Variants in WAC observed in about 807,000 individuals in gnomAD.
WAC encodes the protein WW domain-containing adapter protein with coiled-coil.
In WAC, 11 loss-of-function variants were observed where a neutral mutation model predicts 79.6. The observed-to-expected ratio is 0.14, with a 90% CI of 0.09 to 0.23. The LOEUF (loss-of-function observed/expected upper bound fraction) is 0.23, where lower values mean the gene tolerates loss of function less well. Among genes scored for constraint, WAC ranks in the 10% least tolerant of loss-of-function variants. The pLI, the probability that WAC is intolerant of heterozygous loss-of-function variation, is 1.00. For missense variants in WAC, 728 were observed against 773.5 expected (o/e 0.94, Z 0.70); for synonymous variants, 304 against 276.9 (o/e 1.10, Z -0.97).
intron 3 of WAC, among the ~76,000 whole-genome samples, chr10:28,537,194 T>A (rs1836727433): frequency 6.6e-6 from 1 of 152,242 alleles, no homozygotes; most frequent in African/African-American, 2.4e-5. Context: ...CACATTTTTG[T>A]AACAGTAGTA....
intron 3 of WAC, among the ~76,000 whole-genome samples, chr10:28,560,963 A>T (rs956904272): frequency 1.1e-4 from 17 of 152,210 alleles, no homozygotes; most frequent in Admixed American, 1.0e-3. Flanking sequence ...AAGGAGTGGC[A>T]TGTGAGGTAG....
chr10:28,568,268 T>C lies in WAC; in HGVS notation c.275-15131T>C, dbSNP rs572314915. Among the ~76,000 whole-genome samples the C allele has an allele frequency of 1.2e-4, 19 of 152,346 alleles. No homozygotes were observed. The East Asian group carries it at 3.5e-3, about 28-fold the overall frequency. On this transcript the variant is annotated intron_variant, in intron 3 of 13. Transcript: ENST00000354911. The stretch of plus-strand genomic sequence containing the variant: ...TGCTGTCGGATTCATCTGAGTTGTT[T>C]GCAAAAATACATTATTCCAGTTGCT...
chr10:28,585,592 G>C (rs1839780969), intron 4 of WAC, among the ~76,000 whole-genome samples: 1 of 151,518 alleles, frequency 6.6e-6, no homozygotes, highest in Non-Finnish European at 1.5e-5. Flanking sequence ...GCCAAGTGGG[G>C]AGAAGGGGGG....
chr10:28,537,017 C>T (rs1836716049), intron 3 of WAC, among the ~76,000 whole-genome samples: 1 of 152,148 alleles, frequency 6.6e-6, no homozygotes, highest in South Asian at 2.1e-4. Context: ...TAGAAATCAG[C>T]TTTATTCAGT....
chr10:28,534,130 C>G, intron 2 of WAC, 96 bp downstream of exon 2: 1 of 1,239,288 alleles, frequency 8.1e-7, no homozygotes. Flanking sequence ...CGATACAGGC[C>G]CTTCGGTGCA....
intron 3 of WAC, among the ~76,000 whole-genome samples, chr10:28,566,997 A>T (rs1838661427): frequency 1.4e-5 from 2 of 145,030 alleles, no homozygotes; most frequent in African/African-American, 2.5e-5. Context: ...TATTGGCTTC[A>T]TCTTTCATAT....
chr10:28,614,385 G>A (rs946148069), intron 10 of WAC, among the ~76,000 whole-genome samples, 182 bp from the exon 11 acceptor site: 2 of 152,196 alleles, frequency 1.3e-5, no homozygotes, highest in Non-Finnish European at 2.9e-5. Context: ...GAGCCACCGC[G>A]CCCAGCCCTA....
intron 3 of WAC, among the ~76,000 whole-genome samples, chr10:28,549,566 A>G (rs1012205276): frequency 6.6e-6 from 1 of 152,124 alleles, no homozygotes; most frequent in Non-Finnish European, 1.5e-5. Context: ...AAATATTGCA[A>G]TATCTTGTTT....
At chr10:28,541,389 A>C (rs1281395046) in intron 3 of WAC, among the ~76,000 whole-genome samples, 1 of 135,558 alleles carries the variant, frequency 7.4e-6, no homozygotes, top group African/African-American at 2.7e-5. Flanking sequence ...TACAAAACCA[A>C]TTTTTGTGGG....
intron 3 of WAC, among the ~76,000 whole-genome samples, chr10:28,540,978 C>G (rs987016015): frequency 1.3e-5 from 2 of 151,984 alleles, no homozygotes; most frequent in African/African-American, 4.8e-5. Flanking sequence ...TCTTACGCTT[C>G]TCATAATCAC....
rs186100843 is a variant in WAC at position 28,610,936 on chromosome 10, G to A, written c.1288+115G>A. The A allele has an allele frequency of 1.1e-5, 13 of 1,186,684 alleles. No individual in the cohort carries two copies. In the Admixed American group the frequency reaches 3.6e-4, roughly 33 times the overall value. The allele number at this position is 1,186,684 out of a possible 1,614,324, so 73.5% of individuals were successfully genotyped here. A position where few individuals can be genotyped will look rare whatever the true frequency, so the allele number is the denominator to read the frequency against. The stretch of plus-strand genomic sequence containing the variant: ...CATTTTTTTTTTTAGTTTTTTAAGA[G>A]ATTAGCTACAATAATTTTGTTTTTT... On this transcript the variant is annotated intron_variant, in intron 9 of 13. Coordinates refer to ENST00000354911, the MANE Select transcript of WAC (RefSeq NM_016628.5).
intron 3 of WAC, among the ~76,000 whole-genome samples, chr10:28,545,016 G>C (rs1160536631): frequency 5.5e-5 from 8 of 144,674 alleles, no homozygotes; most frequent in Admixed American, 2.8e-4. Flanking sequence ...ACTCCAGCCT[G>C]GGTGACAGAG....
At chr10:28,544,003 C>T (rs999340899) in intron 3 of WAC, among the ~76,000 whole-genome samples, 1 of 152,184 alleles carries the variant, frequency 6.6e-6, no homozygotes, top group East Asian at 1.9e-4. Flanking sequence ...ATTTTCCCGC[C>T]ACCCAAATAG....
At chr10:28,533,672 G>T in intron 1 of WAC, 52 bp downstream of exon 1, 1 of 1,516,550 alleles carries the variant, frequency 6.6e-7, no homozygotes, top group South Asian at 1.2e-5. Context: ...CGGCGGCGGG[G>T]GGGCTGTTCC....
intron 4 of WAC, among the ~76,000 whole-genome samples, chr10:28,587,803 C>G (rs1266546408): frequency 6.6e-6 from 1 of 152,154 alleles, no homozygotes; most frequent in Admixed American, 6.5e-5. Context: ...TTGGACTAAT[C>G]TAGAATTTGA....
chr10:28,536,887 T>C (rs190557796), intron 3 of WAC, among the ~76,000 whole-genome samples: 25 of 152,346 alleles, frequency 1.6e-4, no homozygotes, highest in African/African-American at 5.5e-4. Flanking sequence ...TATTAAAAGC[T>C]TCCAAGGAAA....
chr10:28,572,365 A>G, intron 3 of WAC, among the ~76,000 whole-genome samples: 2 of 147,086 alleles, frequency 1.4e-5, no homozygotes, highest in Admixed American at 6.8e-5. Flanking sequence ...GCCATTAAGG[A>G]GAGATGTGTG....
intron 3 of WAC, among the ~76,000 whole-genome samples, chr10:28,569,241 A>T (rs1221169772): frequency 6.6e-6 from 1 of 152,210 alleles, no homozygotes; most frequent in Non-Finnish European, 1.5e-5. Context: ...TGCAGTTTTT[A>T]AAAATAATGG....
intron 7 of WAC, among the ~76,000 whole-genome samples, 154 bp downstream of exon 7, chr10:28,596,195 G>A (rs536198253): frequency 6.6e-6 from 1 of 151,964 alleles, no homozygotes; most frequent in South Asian, 2.1e-4. Flanking sequence ...TGTAGAGTTA[G>A]CAATATTTAG....
Sources: allele counts gnomAD v4.1 joint callset (sites outside exome capture counted in the v4.1 genomes callset), GRCh38; gene constraint gnomAD v4.1.1; transcripts MANE v1.5; gene names NCBI Gene and HGNC (gene_info 2026-07-23, HGNC 2026-07-21).